The following RNF180 variants were observed in gnomAD, a reference collection of about 807,000 sequenced individuals.
RNF180 encodes ring finger protein 180.
A neutral mutation model predicts 59.2 loss-of-function variants in RNF180; 38 were observed. The ratio of observed to expected loss-of-function variants is 0.64; its 90% CI spans 0.50 to 0.84. The LOEUF is 0.84. RNF180 is among the 40% of genes least tolerant of loss of function. The pLI, the probability that RNF180 is intolerant of heterozygous loss-of-function variation, is 0.00. For synonymous variants in RNF180, 262 were observed against 240.3 expected, an observed-to-expected ratio of 1.09 and a Z score of -0.84; for missense variants, 705 against 700.9, an observed-to-expected ratio of 1.01 and a Z score of -0.07.
At chr5:64,225,875 A>G (rs1580054746) in intron 5 of RNF180, among the ~76,000 whole-genome samples, 1 of 130,716 alleles carries the variant, frequency 7.7e-6, no homozygotes, top group African/African-American at 2.9e-5. Context: ...CCGTCTGGGA[A>G]GTGAGGAGTG....
chr5:64,323,435 G>A (rs1474366184), intron 5 of RNF180, among the ~76,000 whole-genome samples: 2 of 152,080 alleles, frequency 1.3e-5, no homozygotes, highest in African/African-American at 2.4e-5. Context: ...CAACTACTTG[G>A]GAGGCTGAGG....
At chr5:64,305,556 A>G (rs1743398157) in intron 5 of RNF180, among the ~76,000 whole-genome samples, 1 of 151,424 alleles carries the variant, frequency 6.6e-6, no homozygotes, top group African/African-American at 2.4e-5. Flanking sequence ...ATGCGTCACC[A>G]GTGTATGAGT....
At chr5:64,231,872 T>C (rs1742121786) in intron 5 of RNF180, among the ~76,000 whole-genome samples, 1 of 152,196 alleles carries the variant, frequency 6.6e-6, no homozygotes, top group Non-Finnish European at 1.5e-5. Context: ...TACAGATATT[T>C]ATGAGTCAAA....
At chr5:64,347,579 T>C (rs1021509857) in intron 7 of RNF180, among the ~76,000 whole-genome samples, 1 of 152,128 alleles carries the variant, frequency 6.6e-6, no homozygotes, top group Non-Finnish European at 1.5e-5. Flanking sequence ...ATTGTTGCAG[T>C]GCACATGAAG....
intron 1 of RNF180, among the ~76,000 whole-genome samples, chr5:64,179,236 T>C (rs912758754): frequency 1.3e-5 from 2 of 152,182 alleles, no homozygotes; most frequent in Non-Finnish European, 2.9e-5. Flanking sequence ...ATTTCAAATT[T>C]ACGATATAGA....
intron 7 of RNF180, among the ~76,000 whole-genome samples, chr5:64,347,052 G>T (rs1745586875): frequency 6.6e-6 from 1 of 152,174 alleles, no homozygotes; most frequent in Non-Finnish European, 1.5e-5. Context: ...GTTAACTCTG[G>T]CATATAATGA....
At chr5:64,220,404 C>G (rs991489676) in intron 5 of RNF180, among the ~76,000 whole-genome samples, 37 of 151,746 alleles carry the variant, frequency 2.4e-4, no homozygotes, top group Admixed American at 1.2e-3. Context: ...TAGCTGTATA[C>G]TATAAATTTT....
intron 5 of RNF180, among the ~76,000 whole-genome samples, chr5:64,247,570 T>C (rs1414864856): frequency 6.6e-6 from 1 of 152,092 alleles, no homozygotes. Flanking sequence ...AAGGACCTCT[T>C]CAAGGAGAAC....
intron 1 of RNF180, among the ~76,000 whole-genome samples, chr5:64,197,767 T>C (rs1341960330): frequency 6.6e-6 from 1 of 152,190 alleles, no homozygotes; most frequent in Non-Finnish European, 1.5e-5. Context: ...TCGTGGCACA[T>C]TATTTTTTAC....
intron 5 of RNF180, among the ~76,000 whole-genome samples, chr5:64,229,982 C>CT (rs1041311700): frequency 1.3e-5 from 2 of 152,224 alleles, no homozygotes; most frequent in East Asian, 1.9e-4. Flanking sequence ...CTAATTATAC[C>CT]TTTTTTTGTC....
chr5:64,183,382 A>C (rs962329977), intron 1 of RNF180, among the ~76,000 whole-genome samples: 1 of 151,862 alleles, frequency 6.6e-6, no homozygotes, highest in Admixed American at 6.6e-5. Context: ...TTAGTTTCAA[A>C]TATATGAAGG....
At chr5:64,287,091 C>G (rs1347163762) in intron 5 of RNF180, among the ~76,000 whole-genome samples, 1 of 152,066 alleles carries the variant, frequency 6.6e-6, no homozygotes, top group Admixed American at 6.5e-5. Flanking sequence ...CTCAGCCTCC[C>G]GAGTAGCTAG....
chr5:64,350,796 G>A (rs893700584), intron 7 of RNF180, among the ~76,000 whole-genome samples: 1 of 152,138 alleles, frequency 6.6e-6, no homozygotes, highest in Non-Finnish European at 1.5e-5. Flanking sequence ...GTACCATGCG[G>A]TTTTGATTAC....
At chr5:64,195,473 A>G (rs1220449757) in intron 1 of RNF180, among the ~76,000 whole-genome samples, 1 of 152,208 alleles carries the variant, frequency 6.6e-6, no homozygotes, top group East Asian at 1.9e-4. Context: ...TCAGGGAACA[A>G]ACTTGCTAAC....
At chr5:64,227,516 A>G (rs1169049241) in intron 5 of RNF180, among the ~76,000 whole-genome samples, 1 of 152,172 alleles carries the variant, frequency 6.6e-6, no homozygotes, top group South Asian at 2.1e-4. Context: ...GTCACCCCAC[A>G]TGCCCTGACA....
At chr5:64,322,283 A>G (rs1416596769) in intron 5 of RNF180, among the ~76,000 whole-genome samples, 5 of 152,188 alleles carry the variant, frequency 3.3e-5, no homozygotes, top group Non-Finnish European at 7.4e-5. Flanking sequence ...AGTATCCAGA[A>G]TCTATAAGAA....
At chr5:64,347,214 C>A (rs1343865614) in intron 7 of RNF180, among the ~76,000 whole-genome samples, 1 of 152,102 alleles carries the variant, frequency 6.6e-6, no homozygotes, top group Admixed American at 6.5e-5. Flanking sequence ...GGGGAAATCA[C>A]CATGGGATTT....
At chr5:64,329,266 A>G (rs376521162) in intron 6 of RNF180, among the ~76,000 whole-genome samples, 2 of 152,118 alleles carry the variant, frequency 1.3e-5, no homozygotes, top group African/African-American at 4.8e-5. Flanking sequence ...TGTTACACTC[A>G]TAACACATTA....
chr5:64,266,051 G>T (rs1744654723), intron 5 of RNF180, among the ~76,000 whole-genome samples: 1 of 152,170 alleles, frequency 6.6e-6, no homozygotes, highest in African/African-American at 2.4e-5. Context: ...GAATGCTTAT[G>T]ATTTTTGCAC....
Sources: allele counts gnomAD v4.1 joint callset (sites outside exome capture counted in the v4.1 genomes callset), GRCh38; gene constraint gnomAD v4.1.1; transcripts MANE v1.5; gene names NCBI Gene and HGNC (gene_info 2026-07-23, HGNC 2026-07-21).